Variants in ADGB observed in about 807,000 individuals in gnomAD.
The protein encoded by ADGB is androglobin.
ADGB carries 172 observed loss-of-function variants against 210.5 expected under a neutral mutation model. The ratio of observed to expected loss-of-function variants is 0.82; its 90% CI spans 0.72 to 0.93. ADGB has a LOEUF of 0.93. Among genes scored for constraint, ADGB ranks in the 40% least tolerant of loss-of-function variants. The pLI is 0.00. For missense variants in ADGB, 2,025 were observed against 1,964.8 expected, an observed-to-expected ratio of 1.03 and a Z score of -0.58; for synonymous variants, 658 against 662.7, an observed-to-expected ratio of 0.99 and a Z score of 0.11.
At chr6:146,800,326 C>T (rs1258296360) in intron 33 of ADGB, among the ~76,000 whole-genome samples, 1 of 152,096 alleles carries the variant, frequency 6.6e-6, no homozygotes, top group Non-Finnish European at 1.5e-5. Flanking sequence ...TCTGTAGAGA[C>T]ATAAGTAGAT....
chr6:146,736,626 A>G (rs1298843089), intron 23 of ADGB, 35 bp downstream of exon 23: 2 of 1,434,302 alleles, frequency 1.4e-6, no homozygotes, highest in Admixed American at 4.5e-5. Flanking sequence ...ATTGCAGTAT[A>G]TTGTCCTTTT....
chr6:146,801,172 T>G lies in ADGB; in HGVS notation c.4538-11T>G, dbSNP rs751706320. 3.5e-5 allele frequency: 51 copies of G among 1,458,756 alleles called. No individual in the cohort carries two copies. The South Asian group carries it at 6.1e-4, about 17-fold the overall frequency. 90.4% of individuals were successfully genotyped at this position (1,458,756 alleles called of 1,614,324 possible). On this transcript the variant is annotated splice_polypyrimidine_tract_variant and intron_variant, in intron 33 of 35. Coordinates refer to ENST00000397944, the MANE Select transcript of ADGB (RefSeq NM_024694.4). Reference sequence around the variant, plus strand: ...CCTAGGTTTTTTGTTGTGTGTGTGTTTTTTTTAAAGAAACAGGACCTCGTA... The same window carrying G: ...CCTAGGTTTTTTGTTGTGTGTGTGTGTTTTTTAAAGAAACAGGACCTCGTA...
chr6:146,789,486 A>G (rs375145576), intron 33 of ADGB, among the ~76,000 whole-genome samples: 13 of 152,338 alleles, frequency 8.5e-5, no homozygotes, highest in African/African-American at 2.9e-4. Flanking sequence ...CAAAATTGCT[A>G]AACAATTCTG....
chr6:146,709,614 T>C (rs1388447398), intron 13 of ADGB, among the ~76,000 whole-genome samples: 1 of 152,178 alleles, frequency 6.6e-6, no homozygotes, highest in Non-Finnish European at 1.5e-5. Context: ...AGGGTGGGCC[T>C]GGGGCCTCAG....
chr6:146,800,010 A>G (rs1412189934), intron 33 of ADGB, among the ~76,000 whole-genome samples: 1 of 152,060 alleles, frequency 6.6e-6, no homozygotes, highest in Non-Finnish European at 1.5e-5. Context: ...GGGTTTCACC[A>G]TCTTGGTCGG....
At chr6:146,688,533 A>G (rs1455202831) in intron 10 of ADGB, among the ~76,000 whole-genome samples, 1 of 152,156 alleles carries the variant, frequency 6.6e-6, no homozygotes, top group African/African-American at 2.4e-5. Flanking sequence ...ACTTAAAGGC[A>G]GCTTGAGGCA....
Position 146,752,523 on chromosome 6 carries a change from T to G in ADGB, c.3366-7T>G, listed in dbSNP as rs1244253803. 1.3e-6 allele frequency: 2 copies of G among 1,533,722 alleles called. No homozygotes were observed. The highest frequency in any genetic ancestry group is 2.5e-5 in the South Asian group (2 of 80,698). On this transcript the variant is annotated splice_polypyrimidine_tract_variant and splice_region_variant and intron_variant, in intron 26 of 35. Coordinates refer to ENST00000397944, the MANE Select transcript of ADGB (RefSeq NM_024694.4). ...TTGCTTATAATGTTAACTTTTTTTC[T>G]TTACAGGTATTCGGTTAAAGTTCTA...
chr6:146,648,616 G>A (rs1338565492), intron 3 of ADGB, among the ~76,000 whole-genome samples: 1 of 152,030 alleles, frequency 6.6e-6, no homozygotes, highest in Non-Finnish European at 1.5e-5. Context: ...ACGATGATGA[G>A]AACAGCAAGG....
intron 1 of ADGB, among the ~76,000 whole-genome samples, chr6:146,610,511 G>A (rs1378450711): frequency 3.3e-5 from 5 of 152,140 alleles, no homozygotes; most frequent in Non-Finnish European, 7.3e-5. Flanking sequence ...TTGGGATGGG[G>A]CATTTTTCTT....
chr6:146,717,521 A>T lies in ADGB; in HGVS notation c.1929-15A>T, dbSNP rs1168790754. On this transcript the variant is annotated splice_polypyrimidine_tract_variant and intron_variant, in intron 15 of 35. Transcript: ENST00000397944. Reference sequence around the variant, plus strand: ...CTATAATGACAATAACCTGTTAAAAATGTCTTTCTTTCAGAAATATATATA... The same window carrying T: ...CTATAATGACAATAACCTGTTAAAATTGTCTTTCTTTCAGAAATATATATA... The T allele has an allele frequency of 7.5e-7, 1 of 1,326,042 alleles. No individual in the cohort carries two copies. Among genetic ancestry groups the T allele is most frequent in the Admixed American group, 2.5e-5 (1 of 40,246 alleles). The allele number at this position is 1,326,042 out of a possible 1,614,324, so 82.1% of individuals were successfully genotyped here.
intron 3 of ADGB, among the ~76,000 whole-genome samples, chr6:146,647,101 A>C (rs1420391234): frequency 7.0e-6 from 1 of 142,524 alleles, no homozygotes; most frequent in Non-Finnish European, 1.6e-5. Flanking sequence ...AAAAAAACAA[A>C]AAACAAAAAA....
chr6:146,610,081 G>A (rs1450906343), intron 1 of ADGB, among the ~76,000 whole-genome samples: 1 of 152,058 alleles, frequency 6.6e-6, no homozygotes, highest in Non-Finnish European at 1.5e-5. Flanking sequence ...AATTTTCATG[G>A]ACAATGTCCT....
At chr6:146,713,423 T>C (rs925837023) in intron 13 of ADGB, among the ~76,000 whole-genome samples, 1 of 132,140 alleles carries the variant, frequency 7.6e-6, no homozygotes, top group Non-Finnish European at 1.5e-5. Context: ...GTATTGTTTA[T>C]GGTAGCCACC....
chr6:146,711,362 T>G (rs73571717), intron 13 of ADGB, among the ~76,000 whole-genome samples: 10,236 of 152,030 alleles, frequency 0.067, 965 homozygotes, highest in African/African-American at 0.22. Flanking sequence ...GCCTGTTGTT[T>G]TTTTTTTTTA....
At chr6:146,657,074 C>A in intron 5 of ADGB, 94 bp downstream of exon 5, 3 of 1,165,536 alleles carry the variant, frequency 2.6e-6, no homozygotes, top group Non-Finnish European at 3.6e-6. Flanking sequence ...AATCGCAGCA[C>A]TTTGGGAGGC....
chr6:146,657,000 C>T lies in ADGB; in HGVS notation c.612+20C>T. 1.3e-6 allele frequency: 2 copies of T among 1,516,832 alleles called. No individual in the cohort carries two copies. Among genetic ancestry groups the T allele is most frequent in the Non-Finnish European group, 1.8e-6 (2 of 1,116,436 alleles). 94.0% of individuals were successfully genotyped at this position (1,516,832 alleles called of 1,614,324 possible). ...TGGATGGTAAGTCCATTTTCGTGTG[C>T]ATAAAAACTCATGAGTCTTTCATAT... On this transcript the variant is annotated intron_variant, in intron 5 of 35. Transcript: ENST00000397944.
intron 28 of ADGB, among the ~76,000 whole-genome samples, chr6:146,766,899 G>A (rs1381279683): frequency 6.6e-6 from 1 of 152,132 alleles, no homozygotes; most frequent in Middle Eastern, 3.2e-3. Context: ...CAGAAATTCA[G>A]AAATCTTTTA....
rs887357313 is a variant in ADGB, at chr6:146,752,800, G to A, written c.3550+86G>A. The A allele has an allele frequency of 2.2e-5, 27 of 1,242,110 alleles. No individual in the cohort carries two copies. The African/African-American group carries it at 3.7e-4, about 17-fold the overall frequency. 76.9% of individuals were successfully genotyped at this position (1,242,110 alleles called of 1,614,324 possible). A position where few individuals can be genotyped will look rare whatever the true frequency, so the allele number is the denominator to read the frequency against. The stretch of plus-strand genomic sequence containing the variant: ...ACACTTTAAAAATGAAAATAAAGTA[G>A]CAAGTAACCACTTAAATTATGAAAC... On this transcript the variant is annotated intron_variant, in intron 27 of 35. Transcript: ENST00000397944.
intron 18 of ADGB, 22 bp downstream of exon 18, chr6:146,724,349 C>A (rs745781253): frequency 1.3e-6 from 2 of 1,489,950 alleles, no homozygotes; most frequent in Non-Finnish European, 1.8e-6. Flanking sequence ...CTTCATTTTT[C>A]CCATAATAAA....
Sources: allele counts gnomAD v4.1 joint callset (sites outside exome capture counted in the v4.1 genomes callset), GRCh38; gene constraint gnomAD v4.1.1; transcripts MANE v1.5; gene names NCBI Gene and HGNC (gene_info 2026-07-23, HGNC 2026-07-21).